M1AP: variants seen among roughly 807,000 people sequenced by gnomAD.
M1AP encodes the protein meiosis 1 arrest protein.
Under a neutral mutation model 51.2 loss-of-function variants are expected in M1AP, and 39 were observed. The observed-to-expected ratio is 0.76, with a 90% CI of 0.59 to 1.00. The LOEUF is 1.00. Ranked by LOEUF, M1AP falls within the 50% of genes least tolerant of loss-of-function variation. The pLI, the probability that M1AP is intolerant of heterozygous loss-of-function variation, is 0.00. For synonymous variants in M1AP, 251 were observed against 249.2 expected (o/e 1.01, Z -0.07); for missense variants, 545 against 641.2 (o/e 0.85, Z 1.62).
At chr2:74,627,788 C>T (rs1009188464) in intron 2 of M1AP, among the ~76,000 whole-genome samples, 1 of 152,130 alleles carries the variant, frequency 6.6e-6, no homozygotes, top group African/African-American at 2.4e-5. Flanking sequence ...TTTTCACTTG[C>T]TTGCATTTGT....
intron 2 of M1AP, among the ~76,000 whole-genome samples, chr2:74,630,627 C>T (rs1682649484): frequency 6.6e-6 from 1 of 152,130 alleles, no homozygotes; most frequent in Non-Finnish European, 1.5e-5. Flanking sequence ...ATGATGGCTT[C>T]CAGCTTCCTC....
rs975927438 is a variant in M1AP at position 74,628,366 on chromosome 2, G to A, written c.240+11670C>T. The A allele has an allele frequency of 7.8e-6, 3 of 382,306 alleles. No homozygotes were observed. The Admixed American group carries it at 9.4e-5, about 12-fold the overall frequency. 23.7% of individuals were successfully genotyped at this position (382,306 alleles called of 1,614,324 possible). A position where few individuals can be genotyped will look rare whatever the true frequency, so the allele number is the denominator to read the frequency against. ...TCTCCAGTGTTTCGTCTTAAAAACT[G>A]CTTTACAAGATACGAGGTAGCCATG... On this transcript the variant is annotated intron_variant, in intron 2 of 10. Transcript: ENST00000421985.
chr2:74,567,673 A>G (rs1678476226), intron 7 of M1AP, among the ~76,000 whole-genome samples: 3 of 152,252 alleles, frequency 2.0e-5, no homozygotes, highest in Admixed American at 2.0e-4. Flanking sequence ...TTTAATTATG[A>G]ATGTTTATTT....
intron 4 of M1AP, among the ~76,000 whole-genome samples, chr2:74,584,083 C>G (rs1035637493): frequency 1.3e-4 from 20 of 152,058 alleles, no homozygotes; most frequent in African/African-American, 4.8e-4. Flanking sequence ...TAGGGTACTA[C>G]TGTGATATAT....
intron 5 of M1AP, among the ~76,000 whole-genome samples, chr2:74,577,267 C>A (rs1167126895): frequency 6.6e-6 from 1 of 152,168 alleles, no homozygotes; most frequent in Non-Finnish European, 1.5e-5. Flanking sequence ...TGGCATCAGA[C>A]AACAGTTCTG....
chr2:74,580,497 G>C (rs920047205), intron 5 of M1AP, among the ~76,000 whole-genome samples: 5 of 152,168 alleles, frequency 3.3e-5, no homozygotes, highest in Non-Finnish European at 2.9e-5. Flanking sequence ...TGAAATGGGG[G>C]AGAGAGGAAG....
chr2:74,602,886 C>T (rs1394625935), intron 4 of M1AP, among the ~76,000 whole-genome samples: 3 of 152,200 alleles, frequency 2.0e-5, no homozygotes, highest in African/African-American at 4.8e-5. Context: ...CTATACAATG[C>T]TAGCCACTAA....
chr2:74,634,281 T>C (rs1208414709), intron 2 of M1AP, among the ~76,000 whole-genome samples: 2 of 152,188 alleles, frequency 1.3e-5, no homozygotes, highest in Non-Finnish European at 2.9e-5. Context: ...GTGGTTACTA[T>C]AGAGGCAATT....
intron 4 of M1AP, among the ~76,000 whole-genome samples, chr2:74,591,131 G>A (rs1680016105): frequency 6.6e-6 from 1 of 152,188 alleles, no homozygotes; most frequent in Non-Finnish European, 1.5e-5. Context: ...GGATGATAGA[G>A]TATAAAGCCG....
At chr2:74,627,612 C>A (rs1180716030) in intron 2 of M1AP, among the ~76,000 whole-genome samples, 2 of 152,104 alleles carry the variant, frequency 1.3e-5, no homozygotes, top group African/African-American at 4.8e-5. Context: ...AAAGAAAAAT[C>A]TGGCCATCTT....
In M1AP at chr2:74,558,612, A is replaced by G. The variant is rs1020474774; in HGVS notation, c.*104T>C. ...TGTTTCCCAGTCAGCCCTCACTCAC[A>G]GAGGCTCAGGCGGATAGAGAGCAAG... On this transcript the variant is annotated 3_prime_UTR_variant, in exon 11 of 11. Transcript: ENST00000421985. 1.3e-4 allele frequency: 185 copies of G among 1,379,870 alleles called. 1 individual carries two copies. Among genetic ancestry groups the G allele is most frequent in the South Asian group, 9.2e-4 (70 of 75,956 alleles). The allele number at this position is 1,379,870 out of a possible 1,614,324, so 85.5% of individuals were successfully genotyped here.
At chr2:74,587,185 T>C (rs1679760475) in intron 4 of M1AP, among the ~76,000 whole-genome samples, 3 of 151,702 alleles carry the variant, frequency 2.0e-5, no homozygotes, top group South Asian at 4.2e-4. Flanking sequence ...GATAATAATA[T>C]ATTTTCCTTT....
chr2:74,597,230 T>C (rs1360136920), intron 4 of M1AP, among the ~76,000 whole-genome samples: 1 of 152,208 alleles, frequency 6.6e-6, no homozygotes, highest in Non-Finnish European at 1.5e-5. Context: ...AATCTGCCAT[T>C]TTTCTGAGAC....
chr2:74,621,795 AAAAC>A (rs1189242183), intron 2 of M1AP, among the ~76,000 whole-genome samples: 1 of 151,248 alleles, frequency 6.6e-6, no homozygotes, highest in East Asian at 2.0e-4. Context: ...TCCGTCTCAA[AAAAC>A]AAACAAACAT....
chr2:74,647,497 T>C, intron 1 of M1AP: 1 of 737,332 alleles, frequency 1.4e-6, no homozygotes, highest in Non-Finnish European at 1.7e-6. Flanking sequence ...TAAAAGAAGT[T>C]AATGGATTTT....
chr2:74,576,879 C>G, intron 5 of M1AP: 1 of 1,213,998 alleles, frequency 8.2e-7, no homozygotes, highest in Non-Finnish European at 1.0e-6. Context: ...CTGACATGAT[C>G]TTTACTTGTT....
At position 74,575,528 on chromosome 2, in the gene M1AP, G is replaced by GA; in HGVS notation, c.983dup (p.Ile329HisfsTer14). The GA allele has an allele frequency of 6.2e-7, 1 of 1,614,172 alleles. No homozygotes were observed. The highest frequency in any genetic ancestry group is 1.1e-5 in the South Asian group (1 of 91,086). On this transcript the variant is annotated frameshift_variant, in exon 7 of 11. Transcript: ENST00000421985. LOFTEE classifies it high-confidence loss of function. Reference sequence around the variant, plus strand: ...GCCAACAGCTTGTAGGTCTGAGGATGAACGGGAGTCCATATGTCAATGACT... The same window carrying GA: ...GCCAACAGCTTGTAGGTCTGAGGATGAAACGGGAGTCCATATGTCAATGACT...
At chr2:74,560,044 C>A in intron 9 of M1AP, 107 bp downstream of exon 9, 1 of 1,286,618 alleles carries the variant, frequency 7.8e-7, no homozygotes, top group Non-Finnish European at 1.1e-6. Context: ...AGGCTACTCC[C>A]TTGGATGGGG....
At chr2:74,628,278 T>G (rs1682514186) in intron 2 of M1AP, 1 of 287,534 alleles carries the variant, frequency 3.5e-6, no homozygotes, top group Non-Finnish European at 7.3e-6. Flanking sequence ...AAGAATCTGT[T>G]CAGTTGTTCC....
Sources: allele counts gnomAD v4.1 joint callset (sites outside exome capture counted in the v4.1 genomes callset), GRCh38; gene constraint gnomAD v4.1.1; transcripts MANE v1.5; gene names NCBI Gene and HGNC (gene_info 2026-07-23, HGNC 2026-07-21).